The following OR3A3 variants were observed in gnomAD, a reference collection of about 807,000 sequenced individuals.
The protein encoded by OR3A3 is olfactory receptor family 3 subfamily A member 3, also known as olfactory receptor 3A3.
For missense variants in OR3A3, 275 were observed against 391.4 expected, an observed-to-expected ratio of 0.70 and a Z score of 2.51; for synonymous variants, 103 against 163.9, an observed-to-expected ratio of 0.63 and a Z score of 2.84.
intron 2 of OR3A3, among the ~76,000 whole-genome samples, chr17:3,413,015 G>A (rs972256846): frequency 3.9e-5 from 6 of 152,148 alleles, no homozygotes; most frequent in African/African-American, 9.7e-5. Context: ...TTGATAATTC[G>A]TTTCACAAAT....
intron 2 of OR3A3, among the ~76,000 whole-genome samples, chr17:3,418,678 C>G (rs181859902): frequency 6.6e-6 from 1 of 152,176 alleles, no homozygotes; most frequent in Admixed American, 6.5e-5. Flanking sequence ...TTCTTAACCG[C>G]TCCTGGCCCT....
intron 2 of OR3A3, among the ~76,000 whole-genome samples, chr17:3,413,876 G>C (rs1018281193): frequency 6.6e-6 from 1 of 151,266 alleles, no homozygotes; most frequent in African/African-American, 2.4e-5. Flanking sequence ...ACCTCTTAGA[G>C]ATTACCGCAT....
chr17:3,415,916 C>T (rs1274742896), intron 2 of OR3A3, among the ~76,000 whole-genome samples: 1 of 150,848 alleles, frequency 6.6e-6, no homozygotes, highest in African/African-American at 2.4e-5. Flanking sequence ...TTAAGCAATT[C>T]TCATGTTTCA....
intron 2 of OR3A3, among the ~76,000 whole-genome samples, chr17:3,416,720 A>G (rs1354433093): frequency 1.3e-5 from 2 of 152,114 alleles, no homozygotes; most frequent in Admixed American, 1.3e-4. Context: ...TAATAGTTGT[A>G]TATATTTAGG....
At chr17:3,417,339 T>C (rs2072398518) in intron 2 of OR3A3, among the ~76,000 whole-genome samples, 1 of 152,048 alleles carries the variant, frequency 6.6e-6, no homozygotes, top group African/African-American at 2.4e-5. Context: ...GACTTACAAT[T>C]GTAAGACAAC....
At chr17:3,419,589 A>G (rs1335776724) in intron 2 of OR3A3, among the ~76,000 whole-genome samples, 1 of 152,230 alleles carries the variant, frequency 6.6e-6, no homozygotes, top group African/African-American at 2.4e-5. Flanking sequence ...TAATCATTTT[A>G]CAAAGCATAT....
intron 2 of OR3A3, among the ~76,000 whole-genome samples, chr17:3,419,621 C>T (rs1474714414): frequency 6.6e-6 from 1 of 151,830 alleles, no homozygotes; most frequent in African/African-American, 2.4e-5. Context: ...TCACACTGTA[C>T]CCCATAAATA....
intron 2 of OR3A3, among the ~76,000 whole-genome samples, chr17:3,413,921 C>G (rs2072376255): frequency 6.6e-6 from 1 of 152,090 alleles, no homozygotes; most frequent in Non-Finnish European, 1.5e-5. Flanking sequence ...CCCTCTGCAG[C>G]TTCCCCGTGG....
intron 2 of OR3A3, among the ~76,000 whole-genome samples, chr17:3,414,243 T>G (rs765466133): frequency 1.1e-4 from 16 of 152,116 alleles, no homozygotes; most frequent in Non-Finnish European, 1.6e-4. Flanking sequence ...GACTAATTTT[T>G]TGTATTTTCA....
chr17:3,421,660 G>A, exon 3 of OR3A3: 1 of 1,037,482 alleles, frequency 9.6e-7, no homozygotes, highest in Non-Finnish European at 1.4e-6. Context: ...TATGTGTTTG[G>A]CCTACAAGGA....
intron 2 of OR3A3, 146 bp from the exon 3 acceptor site, chr17:3,420,434 A>G (rs2072423456): frequency 7.2e-7 from 1 of 1,391,628 alleles, no homozygotes; most frequent in Non-Finnish European, 9.7e-7. Context: ...CGGCATCTCA[A>G]CCAAGAGCAA....
At chr17:3,418,757 C>A (rs940741087) in intron 2 of OR3A3, among the ~76,000 whole-genome samples, 1 of 152,130 alleles carries the variant, frequency 6.6e-6, no homozygotes, top group African/African-American at 2.4e-5. Flanking sequence ...GACTCCAACC[C>A]CTTCCCATCT....
chr17:3,413,965 G>A lies in OR3A3; in HGVS notation c.-7+1794G>A, dbSNP rs1195571494. 5.3e-5 allele frequency among the ~76,000 whole-genome samples: 8 copies of A among 152,264 alleles called. No individual in the cohort carries two copies. In the East Asian group the frequency reaches 1.5e-3, roughly 29 times the overall value. ...CACACAGTGGAGACCTCATTTGGAA[G>A]GCTGGTCATCGAGACAGCCTCACAT... is the stretch of plus-strand genomic sequence containing the variant. On this transcript the variant is annotated intron_variant, in intron 2 of 2. Transcript: ENST00000641141.
rs138044938 is a variant in OR3A3 at position 3,420,332 on chromosome 17, A to C, written c.-6-248A>C. Among the ~76,000 whole-genome samples, 837 of 152,318 alleles carry C rather than the reference A, an allele frequency of 5.5e-3. 3 individuals carry two copies. The highest frequency in any genetic ancestry group is 0.018 in the African/African-American group (763 of 41,564). On this transcript the variant is annotated intron_variant, in intron 2 of 2. Transcript: ENST00000641141. The stretch of plus-strand genomic sequence containing the variant: ...CTTTATTAACTATAATCCTCATGTT[A>C]TAAATTAGATCTTTTATCTTAGCTT...
chr17:3,422,333 T>G (rs1032265935), exon 3 of OR3A3: 2 of 152,218 alleles, frequency 1.3e-5, no homozygotes, highest in African/African-American at 2.4e-5. Flanking sequence ...ATGTCCTATT[T>G]CCATCCCCTG....
exon 3 of OR3A3, chr17:3,423,953 G>GAAAAAAAAAAAAAAAAAAA (rs148900480): frequency 8.3e-6 from 1 of 120,038 alleles, no homozygotes; most frequent in Non-Finnish European, 1.7e-5. Flanking sequence ...CTCAAAAAAA[G>GAAAAAAAAAAAAAAAAAAA]AAAAAAAAAA....
exon 3 of OR3A3, chr17:3,422,624 T>C (rs953380852): frequency 6.6e-6 from 1 of 152,284 alleles, no homozygotes; most frequent in African/African-American, 2.4e-5. Flanking sequence ...CATCTTGATG[T>C]CTATCCAGGT....
chr17:3,418,670 C>A (rs1471824781), intron 2 of OR3A3, among the ~76,000 whole-genome samples: 1 of 152,180 alleles, frequency 6.6e-6, no homozygotes, highest in Non-Finnish European at 1.5e-5. Context: ...ATATGATTTT[C>A]TTAACCGCTC....
intron 2 of OR3A3, among the ~76,000 whole-genome samples, chr17:3,414,263 G>C (rs1186728558): frequency 6.6e-6 from 1 of 152,098 alleles, no homozygotes; most frequent in Non-Finnish European, 1.5e-5. Flanking sequence ...AGTAGAGACG[G>C]GGTTTCACCA....
Sources: gnomAD v4.1 joint callset for allele counts (sites outside exome capture counted in the v4.1 genomes callset) on GRCh38, gnomAD v4.1.1 for gene constraint, MANE v1.5 for transcripts, NCBI Gene and HGNC (gene_info 2026-07-23, HGNC 2026-07-21) for gene names.